NFU1: variants seen among roughly 807,000 people sequenced by gnomAD.
NFU1 encodes NFU1 iron-sulfur cluster scaffold, also known as NFU1 iron-sulfur cluster scaffold homolog, mitochondrial.
Under a neutral mutation model 32.2 loss-of-function variants are expected in NFU1, and 30 were observed. The observed-to-expected ratio is 0.93, with a 90% CI of 0.70 to 1.26. The LOEUF (loss-of-function observed/expected upper bound fraction) is 1.26. Among genes scored for constraint, NFU1 ranks in the 50% most tolerant of loss-of-function variants. NFU1 has a pLI of 0.00. For synonymous variants in NFU1, 112 were observed against 104.6 expected (o/e 1.07, Z -0.43); for missense variants, 306 against 306.6 (o/e 1.00, Z 0.02).
At chr2:69,419,479 T>C in intron 4 of NFU1, 59 bp downstream of exon 4, 1 of 867,548 alleles carries the variant, frequency 1.2e-6, no homozygotes. Context: ...AGAGAGGCAT[T>C]GGACTCAGAA....
intron 7 of NFU1, among the ~76,000 whole-genome samples, chr2:69,397,013 A>G (rs1403594475): frequency 5.9e-5 from 9 of 151,862 alleles, no homozygotes; most frequent in African/African-American, 2.2e-4. Flanking sequence ...TGGAGGTTGC[A>G]GTGAGCCTAG....
At chr2:69,415,555 C>T (rs907882819) in intron 4 of NFU1, among the ~76,000 whole-genome samples, 24 of 152,030 alleles carry the variant, frequency 1.6e-4, no homozygotes, top group African/African-American at 5.8e-4. Context: ...AACAAATTAA[C>T]TATATCTTAT....
At chr2:69,423,864 A>C in intron 2 of NFU1, 147 bp from the exon 3 acceptor site, 1 of 667,976 alleles carries the variant, frequency 1.5e-6, no homozygotes, top group South Asian at 1.8e-5. Flanking sequence ...AAGCATTTAT[A>C]AGGATAAGAA....
chr2:69,425,645 G>A (rs979890631), intron 2 of NFU1, among the ~76,000 whole-genome samples: 8 of 151,190 alleles, frequency 5.3e-5, no homozygotes, highest in African/African-American at 1.9e-4. Flanking sequence ...GTAAGCCACT[G>A]TGCCCGGCCT....
At chr2:69,427,874 T>G (rs749935527) in intron 2 of NFU1, among the ~76,000 whole-genome samples, 4 of 151,096 alleles carry the variant, frequency 2.6e-5, no homozygotes, top group Non-Finnish European at 5.9e-5. Context: ...AATACAAAAA[T>G]TAGCCAGGCG....
At chr2:69,398,025 C>T (rs10182682) in intron 7 of NFU1, among the ~76,000 whole-genome samples, 101,346 of 151,848 alleles carry the variant, frequency 0.67, 35,457 homozygotes, top group African/African-American at 0.9. Flanking sequence ...GGTATTTATT[C>T]CCAAGAAATT....
At position 69,396,374 on chromosome 2, in the gene NFU1, A is replaced by G. The variant is rs1004300901; in HGVS notation, c.721-84T>C. On this transcript the variant is annotated intron_variant, in intron 7 of 7. Transcript: ENST00000410022. Reference sequence around the variant, plus strand: ...TTCCTGATTTTAATATTACTTCTTTACCTGATACACTCTATAATGAGGCAT... The same window carrying G: ...TTCCTGATTTTAATATTACTTCTTTGCCTGATACACTCTATAATGAGGCAT... 6.6e-6 allele frequency: 6 copies of G among 915,864 alleles called. No individual in the cohort carries two copies. The African/African-American group carries it at 8.2e-5, about 13-fold the overall frequency. 56.7% of individuals were successfully genotyped at this position (915,864 alleles called of 1,614,324 possible).
intron 6 of NFU1, among the ~76,000 whole-genome samples, chr2:69,405,208 A>C (rs575622301): frequency 1.3e-5 from 2 of 152,268 alleles, no homozygotes; most frequent in African/African-American, 2.4e-5. Context: ...ATTGCATGCC[A>C]GCCTGGGTGA....
chr2:69,398,439 T>C (rs1038866339), intron 7 of NFU1, among the ~76,000 whole-genome samples: 14 of 152,328 alleles, frequency 9.2e-5, no homozygotes, highest in Non-Finnish European at 1.5e-4. Context: ...ATCTGCCACA[T>C]TGACTACCCT....
intron 2 of NFU1, 121 bp downstream of exon 2, chr2:69,431,781 T>G (rs1223281804): frequency 4.3e-6 from 3 of 705,420 alleles, no homozygotes; most frequent in African/African-American, 1.8e-5. Context: ...TTTTCCTATA[T>G]TCTATCTATA....
rs776012650 is a variant in NFU1 at position 69,431,938 on chromosome 2, G to A, written c.130C>T (p.Pro44Ser). Residue 44 changes from proline (P) to serine (S), a missense_variant, in exon 2 of 8, where the codon CCA becomes TCA. Pro to Ser is a moderately conservative substitution (Grantham distance 74, BLOSUM62 -1). Transcript: ENST00000410022. ...KQPLHQFVQRPLFPLPAAFYH... is the reference protein window; with the variant it reads ...KQPLHQFVQRSLFPLPAAFYH... Reference sequence around the variant, plus strand: ...AAGGCTGCAGGTAGTGGGAAAAGTGGTCTTTGTACAAACTGATGCAGAGGC... The same window carrying A: ...AAGGCTGCAGGTAGTGGGAAAAGTGATCTTTGTACAAACTGATGCAGAGGC... The A allele has an allele frequency of 6.2e-7, 1 of 1,613,818 alleles. No individual in the cohort carries two copies. The highest frequency in any genetic ancestry group is 8.5e-7 in the Non-Finnish European group (1 of 1,179,792).
Position 69,408,844 on chromosome 2 carries a change from G to A in NFU1, c.485-2762C>T, listed in dbSNP as rs555168308. Reference sequence around the variant, plus strand: ...ATAAATTCCTACTGGTGGGATATTTGTGTAAACAGGCTTGTGCTTTTTTTT... The same window carrying A: ...ATAAATTCCTACTGGTGGGATATTTATGTAAACAGGCTTGTGCTTTTTTTT... On this transcript the variant is annotated intron_variant, in intron 5 of 7. Transcript: ENST00000410022. 1.1e-4 allele frequency among the ~76,000 whole-genome samples: 15 copies of A among 136,532 alleles called. No homozygotes were observed. The East Asian group carries it at 3.3e-3, about 30-fold the overall frequency. The allele number at this position is 136,532 out of a possible 152,430, so 89.6% of individuals were successfully genotyped here.
intron 1 of NFU1, among the ~76,000 whole-genome samples, chr2:69,436,457 G>T (rs751880531): frequency 6.6e-6 from 1 of 152,170 alleles, no homozygotes; most frequent in Non-Finnish European, 1.5e-5. Flanking sequence ...TCAGCCCAGG[G>T]AAAAGGCAGC....
At chr2:69,431,404 A>G (rs921117457) in intron 2 of NFU1, among the ~76,000 whole-genome samples, 1 of 152,060 alleles carries the variant, frequency 6.6e-6, no homozygotes, top group African/African-American at 2.4e-5. Flanking sequence ...CTCCTGGGCT[A>G]AAGGGATTCT....
At chr2:69,400,171 C>G (rs1672473773) in intron 7 of NFU1, among the ~76,000 whole-genome samples, 193 bp downstream of exon 7, 1 of 152,110 alleles carries the variant, frequency 6.6e-6, no homozygotes, top group Non-Finnish European at 1.5e-5. Flanking sequence ...CTGCGCCCAG[C>G]CCAAAGTTAC....
intron 6 of NFU1, among the ~76,000 whole-genome samples, chr2:69,402,611 C>T (rs1049576740): frequency 5.9e-5 from 9 of 151,990 alleles, no homozygotes; most frequent in Non-Finnish European, 8.8e-5. Flanking sequence ...GACGGAGTTT[C>T]GCTCTTGTTG....
At chr2:69,404,615 A>ATTTTTTGTTTTTTTTTTT (rs1672635729) in intron 6 of NFU1, among the ~76,000 whole-genome samples, 1 of 73,008 alleles carries the variant, frequency 1.4e-5, no homozygotes, top group African/African-American at 6.3e-5. Flanking sequence ...ATCTTAGCAA[A>ATTTTTTGTTTTTTTTTTT]TTTTTTTTTT....
At chr2:69,439,077 A>G (rs189553709), upstream of NFU1, among the ~76,000 whole-genome samples, 1 of 152,162 alleles carries the variant, frequency 6.6e-6, no homozygotes, top group Non-Finnish European at 1.5e-5. Flanking sequence ...GCCTTGCCCC[A>G]AATCCTCTTC....
At chr2:69,437,959 A>G (rs1020806064), upstream of NFU1, among the ~76,000 whole-genome samples, 3 of 151,864 alleles carry the variant, frequency 2.0e-5, no homozygotes, top group Non-Finnish European at 4.4e-5. Context: ...TCTTGGACCA[A>G]CCCGCACAGA....
Sources: gnomAD v4.1 joint callset for allele counts (sites outside exome capture counted in the v4.1 genomes callset) on GRCh38, gnomAD v4.1.1 for gene constraint, MANE v1.5 for transcripts, NCBI Gene and HGNC (gene_info 2026-07-23, HGNC 2026-07-21) for gene names.